Variants in VKORC1 observed in about 807,000 individuals in gnomAD.
VKORC1 encodes phylloquinone epoxide reductase.
VKORC1 carries 12 observed loss-of-function variants against 14.8 expected under a neutral mutation model. That is an observed-to-expected ratio of 0.81 (90% CI 0.52 to 1.31). The LOEUF is 1.31. VKORC1 is among the 50% of genes most tolerant of loss of function. The pLI is 0.00. For synonymous variants in VKORC1, 94 were observed against 92.5 expected (o/e 1.02, Z -0.09); for missense variants, 223 against 215.3 (o/e 1.04, Z -0.22).
rs35224256 is a variant in VKORC1, at chr16:31,092,176, C to CAAAA, written c.284-838_284-835dup. 3.0e-4 allele frequency among the ~76,000 whole-genome samples: 11 copies of CAAAA among 37,184 alleles called. 1 individual carries two copies. The highest frequency in any genetic ancestry group is 3.9e-4 in the Non-Finnish European group (7 of 18,176). The allele number at this position is 37,184 out of a possible 152,430, so 24.4% of individuals were successfully genotyped here. On this transcript the variant is annotated intron_variant, in intron 2 of 2. Transcript: ENST00000394975. ...CTGGTGACAGAGCGAGACTATGTCG[C>CAAAA]AAAAAAAAAAAAAAAAAAAAAAAAA...
chr16:31,093,699 CTTTTTTTTTTTTTTTT>C lies in VKORC1; in HGVS notation c.174-294_174-279del, dbSNP rs71151446. 4 of 68,096 alleles carry C rather than the reference CTTTTTTTTTTTTTTTT, an allele frequency of 5.9e-5. No homozygotes were observed. The Admixed American group carries it at 9.6e-4, about 16-fold the overall frequency. 4.2% of individuals were successfully genotyped at this position (68,096 alleles called of 1,614,324 possible). Reference sequence around the variant, plus strand: ...TTCATCTTAGACCTTAAGTAAGTCTCTTTTTTTTTTTTTTTTTTTTTTTTTTTGAGACGGAGTCTCA... The same window carrying C: ...TTCATCTTAGACCTTAAGTAAGTCTCTTTTTTTTTTTGAGACGGAGTCTCA... On this transcript the variant is annotated intron_variant, in intron 1 of 2. Coordinates refer to ENST00000394975, the MANE Select transcript of VKORC1 (RefSeq NM_024006.6).
intron 2 of VKORC1, among the ~76,000 whole-genome samples, chr16:31,093,044 G>A (rs2057300015): frequency 6.6e-6 from 1 of 151,818 alleles, no homozygotes; most frequent in Non-Finnish European, 1.5e-5. Flanking sequence ...GGGCAACAGA[G>A]CCAGACCCTG....
chr16:31,094,574 CGAACAGCT>C lies in VKORC1; in HGVS notation c.148_155del (p.Ser50AlafsTer78). On this transcript the variant is annotated frameshift_variant, in exon 1 of 3. Transcript: ENST00000394975. LOFTEE classifies it high-confidence loss of function. ...GTGCACACCTGGAGGAGAAGACGCG[CGAACAGCT>C]GATGGCGGTGCCCACGTCGCAGAGC... 6.2e-7 allele frequency: 1 copy of C among 1,611,548 alleles called. No individual in the cohort carries two copies. The highest frequency in any genetic ancestry group is 2.2e-5 in the East Asian group (1 of 44,800).
At chr16:31,091,367 G>A in intron 2 of VKORC1, 25 bp from the exon 3 acceptor site, 1 of 1,604,732 alleles carries the variant, frequency 6.2e-7, no homozygotes, top group African/African-American at 1.3e-5. Context: ...AGGGTCCGGT[G>A]TGGGCTTCAG....
chr16:31,094,501 T>C, intron 1 of VKORC1, 56 bp downstream of exon 1: 1 of 1,612,794 alleles, frequency 6.2e-7, no homozygotes, highest in Non-Finnish European at 8.5e-7. Flanking sequence ...AGAATAATCA[T>C]CTGGCATCCT....
chr16:31,094,573 G>T lies in VKORC1; in HGVS notation c.157C>A (p.Arg53Ser), dbSNP rs781304132. ...CGTGCACACCTGGAGGAGAAGACGC[G>T]CGAACAGCTGATGGCGGTGCCCACG... Reference protein sequence around the residue: ...CDVGTAISCSRVFSSRWGRGF... With the variant: ...CDVGTAISCSSVFSSRWGRGF... Residue 53 changes from arginine to serine, a missense_variant, in exon 1 of 3, where the codon CGC becomes AGC. By Grantham distance (110) the Arg-to-Ser change is moderately radical. Coordinates refer to ENST00000394975, the MANE Select transcript of VKORC1 (RefSeq NM_024006.6). 1.6e-5 allele frequency: 25 copies of T among 1,611,316 alleles called. No individual in the cohort carries two copies. In the East Asian group the frequency reaches 5.1e-4, roughly 33 times the overall value.
intron 2 of VKORC1, among the ~76,000 whole-genome samples, chr16:31,091,768 T>C (rs2057291895): frequency 6.6e-6 from 1 of 152,050 alleles, no homozygotes; most frequent in Admixed American, 6.6e-5. Context: ...GCACCTGTAA[T>C]CCCAGCTGCT....
chr16:31,091,704 T>C (rs562522937), intron 2 of VKORC1, among the ~76,000 whole-genome samples: 1 of 152,176 alleles, frequency 6.6e-6, no homozygotes, highest in Admixed American at 6.5e-5. Flanking sequence ...CTGGCCAACA[T>C]GGCAAAACCC....
At chr16:31,094,515 C>A in intron 1 of VKORC1, 42 bp downstream of exon 1, 1 of 1,612,522 alleles carries the variant, frequency 6.2e-7, no homozygotes, top group Non-Finnish European at 8.5e-7. Flanking sequence ...GCATCCTGGC[C>A]GCCCTGCTCC....
intron 2 of VKORC1, 74 bp downstream of exon 2, chr16:31,093,238 T>C: frequency 7.9e-7 from 1 of 1,266,954 alleles, no homozygotes; most frequent in African/African-American, 2.5e-5. Context: ...CAAGATTGCA[T>C]GGAGTGGGGC....
intron 1 of VKORC1, chr16:31,094,031 T>TA (rs1190481105): frequency 6.2e-5 from 60 of 966,174 alleles, no homozygotes; most frequent in Non-Finnish European, 8.4e-5. Context: ...ATGGCAAGGC[T>TA]GGTATAACGG....
chr16:31,094,295 C>T, intron 1 of VKORC1: 2 of 1,612,938 alleles, frequency 1.2e-6, no homozygotes, highest in Non-Finnish European at 1.7e-6. Context: ...CCCGCCTTTC[C>T]TGGTCACCGT....
At chr16:31,093,678 T>C in intron 1 of VKORC1, 1 of 388,888 alleles carries the variant, frequency 2.6e-6, no homozygotes, top group Non-Finnish European at 4.7e-6. Context: ...CTGCTTTTCA[T>C]CTTAGACCTT....
intron 2 of VKORC1, among the ~76,000 whole-genome samples, chr16:31,092,061 C>G (rs1185872595): frequency 6.6e-6 from 1 of 151,474 alleles, no homozygotes; most frequent in Non-Finnish European, 1.5e-5. Flanking sequence ...GCCTGTAGTC[C>G]CAGCTACTCA....
In VKORC1 at chr16:31,094,734, T is replaced by A. The variant is rs1278650761; in HGVS notation, c.-5A>T. ...GCTCCCCCAGGTGCTGCCCATTATC[T>A]CCAGGTTCCGCCCGAGGCGCCCGCG... On this transcript the variant is annotated 5_prime_UTR_variant, in exon 1 of 3. Coordinates refer to ENST00000394975, the MANE Select transcript of VKORC1 (RefSeq NM_024006.6). 1.3e-6 allele frequency: 2 copies of A among 1,599,508 alleles called. No individual in the cohort carries two copies. Among genetic ancestry groups the A allele is most frequent in the African/African-American group, 2.7e-5 (2 of 74,834 alleles).
chr16:31,091,280 C>T lies in VKORC1; in HGVS notation c.346G>A (p.Gly116Ser). 6.2e-7 allele frequency: 1 copy of T among 1,614,168 alleles called. No individual in the cohort carries two copies. The highest frequency in any genetic ancestry group is 8.5e-7 in the Non-Finnish European group (1 of 1,180,040). ...MLLSSLVSLAGSVYLAWILFF... is the reference protein window; with the variant it reads ...MLLSSLVSLASSVYLAWILFF... ...AGGATCCAGGCCAGGTAGACAGAAC[C>T]AGCGAGAGACACCAGGGAGCTCAGC... Residue 116 changes from glycine to serine, a missense_variant, in exon 3 of 3, where the codon GGT becomes AGT. Transcript: ENST00000394975.
chr16:31,094,243 C>G, intron 1 of VKORC1: 12 of 1,608,242 alleles, frequency 7.5e-6, no homozygotes, highest in South Asian at 1.1e-5. Context: ...ACCTGCGCGC[C>G]GTCCTTGAGA....
At chr16:31,091,685 G>A (rs914807663) in intron 2 of VKORC1, among the ~76,000 whole-genome samples, 8 of 152,166 alleles carry the variant, frequency 5.3e-5, no homozygotes, top group South Asian at 4.1e-4. Context: ...TTAGGAGTTC[G>A]AGAGCAGCCT....
At chr16:31,093,010 TA>T in intron 2 of VKORC1, 1 of 450,710 alleles carries the variant, frequency 2.2e-6, no homozygotes, top group South Asian at 2.1e-5. Flanking sequence ...CAGTGCACAC[TA>T]AGGGCATCCT....
Sources: gnomAD v4.1 joint callset for allele counts (sites outside exome capture counted in the v4.1 genomes callset) on GRCh38, gnomAD v4.1.1 for gene constraint, MANE v1.5 for transcripts, NCBI Gene and HGNC (gene_info 2026-07-23, HGNC 2026-07-21) for gene names.